Variants in GREM2 observed in about 807,000 individuals in gnomAD.
The protein encoded by GREM2 is gremlin-2.
A neutral mutation model predicts 14.2 loss-of-function variants in GREM2; 11 were observed. That is an observed-to-expected ratio of 0.78 (90% CI 0.49 to 1.28). The LOEUF is 1.28. Among genes scored for constraint, GREM2 ranks in the 50% most tolerant of loss-of-function variants. The pLI, the probability that GREM2 is intolerant of heterozygous loss-of-function variation, is 0.00. For synonymous variants in GREM2, 98 were observed against 97.6 expected (o/e 1.00, Z -0.02); for missense variants, 210 against 218.5 (o/e 0.96, Z 0.24).
chr1:240,603,018 A>T lies in GREM2; in HGVS notation c.-2+8866T>A, dbSNP rs576749673. Among the ~76,000 whole-genome samples the T allele has an allele frequency of 7.9e-4, 120 of 152,142 alleles. 1 individual carries two copies. Among genetic ancestry groups the T allele is most frequent in the East Asian group, 6.2e-3 (32 of 5,158 alleles). On this transcript the variant is annotated intron_variant, in intron 1 of 1. Coordinates refer to ENST00000318160, the MANE Select transcript of GREM2 (RefSeq NM_022469.4). Reference sequence around the variant, plus strand: ...AACCCGGGAGGTGGAGCTTGCAGTGAGCTGAGATCGCACCATTGCACTCCA... The same window carrying T: ...AACCCGGGAGGTGGAGCTTGCAGTGTGCTGAGATCGCACCATTGCACTCCA...
At position 240,501,257 on chromosome 1, in the gene GREM2, C is replaced by T. The variant is rs138457417; in HGVS notation, c.-1-7781G>A. Reference sequence around the variant, plus strand: ...AATAATAGGAAGTGACTTGCAACTTCAAAGCAGAAAGATCAGGGCATCCCA... The same window carrying T: ...AATAATAGGAAGTGACTTGCAACTTTAAAGCAGAAAGATCAGGGCATCCCA... On this transcript the variant is annotated intron_variant, in intron 1 of 1. Transcript: ENST00000318160. 3.2e-4 allele frequency among the ~76,000 whole-genome samples: 49 copies of T among 152,296 alleles called. No individual in the cohort carries two copies. In the East Asian group the frequency reaches 8.9e-3, roughly 28 times the overall value.
At chr1:240,504,561 C>T (rs1234251376) in intron 1 of GREM2, among the ~76,000 whole-genome samples, 2 of 152,128 alleles carry the variant, frequency 1.3e-5, no homozygotes, top group African/African-American at 4.8e-5. Context: ...TGATAGCTCC[C>T]ATCCAACCCA....
chr1:240,502,862 G>T (rs1193907417), intron 1 of GREM2, among the ~76,000 whole-genome samples: 4 of 152,166 alleles, frequency 2.6e-5, no homozygotes, highest in Non-Finnish European at 5.9e-5. Context: ...AAAGGTGGTT[G>T]GTCCAAGCCA....
chr1:240,519,011 T>TAC (rs150804132), intron 1 of GREM2, among the ~76,000 whole-genome samples: 1 of 152,150 alleles, frequency 6.6e-6, no homozygotes, highest in Non-Finnish European at 1.5e-5. Context: ...ACTGATTCAT[T>TAC]ACACACACAC....
chr1:240,554,303 C>A (rs1678912901), intron 1 of GREM2, among the ~76,000 whole-genome samples: 1 of 150,988 alleles, frequency 6.6e-6, no homozygotes, highest in Non-Finnish European at 1.5e-5. Context: ...CCCAGCTACT[C>A]GGGAGGCTGA....
chr1:240,584,572 C>T (rs551773515), intron 1 of GREM2, among the ~76,000 whole-genome samples: 5 of 151,228 alleles, frequency 3.3e-5, no homozygotes, highest in African/African-American at 1.2e-4. Context: ...GGCATAGTGG[C>T]GTGCACCTGT....
At chr1:240,546,353 AAAC>A (rs1308952946) in intron 1 of GREM2, among the ~76,000 whole-genome samples, 4 of 151,904 alleles carry the variant, frequency 2.6e-5, no homozygotes, top group African/African-American at 9.7e-5. Flanking sequence ...AAAAAAAAAA[AAAC>A]AAAGAAAGAA....
At chr1:240,513,040 C>G (rs1394450204) in intron 1 of GREM2, among the ~76,000 whole-genome samples, 1 of 152,034 alleles carries the variant, frequency 6.6e-6, no homozygotes, top group East Asian at 1.9e-4. Context: ...AGATAATACA[C>G]TAGTAAATGT....
intron 1 of GREM2, among the ~76,000 whole-genome samples, chr1:240,561,367 G>C (rs1679032280): frequency 6.6e-6 from 1 of 152,066 alleles, no homozygotes; most frequent in Admixed American, 6.6e-5. Context: ...ATTTTGTGTG[G>C]TAAGTTTGAA....
At position 240,512,912 on chromosome 1, in the gene GREM2, T is replaced by C. The variant is rs1173789064; in HGVS notation, c.-1-19436A>G. ...GCACTTTCAAGGAGATGTAAATTAA[T>C]CATTCTCAACACATACTTATTGTGA... On this transcript the variant is annotated intron_variant, in intron 1 of 1. Coordinates refer to ENST00000318160, the MANE Select transcript of GREM2 (RefSeq NM_022469.4). Among the ~76,000 whole-genome samples, 3 of 152,316 alleles carry C rather than the reference T, an allele frequency of 2.0e-5. No homozygotes were observed. In the East Asian group the frequency reaches 5.8e-4, roughly 29 times the overall value.
intron 1 of GREM2, among the ~76,000 whole-genome samples, chr1:240,514,768 T>G (rs1340250608): frequency 6.6e-6 from 1 of 151,940 alleles, no homozygotes; most frequent in Admixed American, 6.6e-5. Flanking sequence ...GGCTTGGAGG[T>G]GCACAGCTGT....
intron 1 of GREM2, among the ~76,000 whole-genome samples, chr1:240,517,671 T>C (rs59811244): frequency 0.1 from 15,974 of 152,226 alleles, 963 homozygotes; most frequent in East Asian, 0.26. Context: ...TTTCAAGCCA[T>C]GGTTCACAAT....
intron 1 of GREM2, among the ~76,000 whole-genome samples, chr1:240,578,080 T>G (rs905562578): frequency 6.6e-6 from 1 of 152,148 alleles, no homozygotes; most frequent in African/African-American, 2.4e-5. Context: ...TGTGTTGTTG[T>G]GGTTGTTGTT....
Position 240,496,380 on chromosome 1 carries a change from A to G in GREM2, c.-1-2904T>C, listed in dbSNP as rs143999177. On this transcript the variant is annotated intron_variant, in intron 1 of 1. Coordinates refer to ENST00000318160, the MANE Select transcript of GREM2 (RefSeq NM_022469.4). ...TATCTGTTTCTAGAATGAGCTTGGC[A>G]TTCTTGTGCTCTAGAGCCTTACCTT... Among the ~76,000 whole-genome samples the G allele has an allele frequency of 2.3e-3, 345 of 152,278 alleles. 1 individual carries two copies. Among genetic ancestry groups the G allele is most frequent in the Middle Eastern group, 0.014 (4 of 294 alleles).
chr1:240,551,503 C>T (rs1025302630), intron 1 of GREM2, among the ~76,000 whole-genome samples: 1 of 152,146 alleles, frequency 6.6e-6, no homozygotes. Flanking sequence ...CACATGCCAC[C>T]ACACTGGGCT....
chr1:240,598,682 T>C lies in GREM2; in HGVS notation c.-2+13202A>G, dbSNP rs185170826. Reference sequence around the variant, plus strand: ...GCCTAATTACTCAAAGTCAGTGGCATGTGAACTGAAGTGGAGTAGGATGGC... The same window carrying C: ...GCCTAATTACTCAAAGTCAGTGGCACGTGAACTGAAGTGGAGTAGGATGGC... On this transcript the variant is annotated intron_variant, in intron 1 of 1. Transcript: ENST00000318160. Among the ~76,000 whole-genome samples, 32 of 152,306 alleles carry C rather than the reference T, an allele frequency of 2.1e-4. No homozygotes were observed. The East Asian group carries it at 5.6e-3, about 27-fold the overall frequency.
At chr1:240,570,976 A>C (rs1679249511) in intron 1 of GREM2, among the ~76,000 whole-genome samples, 1 of 152,244 alleles carries the variant, frequency 6.6e-6, no homozygotes, top group Non-Finnish European at 1.5e-5. Flanking sequence ...TATCCAGGTT[A>C]AATACCTACA....
chr1:240,497,622 A>G (rs1677458286), intron 1 of GREM2, among the ~76,000 whole-genome samples: 1 of 151,852 alleles, frequency 6.6e-6, no homozygotes, highest in Non-Finnish European at 1.5e-5. Flanking sequence ...TAAAAAAAAA[A>G]AATTGAAAGC....
intron 1 of GREM2, among the ~76,000 whole-genome samples, chr1:240,599,302 G>A (rs2102869617): frequency 6.6e-6 from 1 of 152,028 alleles, no homozygotes; most frequent in East Asian, 1.9e-4. Context: ...CAGTAAGTGA[G>A]GGCTGTGTCT....
Sources: allele counts gnomAD v4.1 joint callset (sites outside exome capture counted in the v4.1 genomes callset), GRCh38; gene constraint gnomAD v4.1.1; transcripts MANE v1.5; gene names NCBI Gene and HGNC (gene_info 2026-07-23, HGNC 2026-07-21).